ZNF600: variants seen among roughly 807,000 people sequenced by gnomAD.
ZNF600 encodes the protein zinc finger protein 600.
A neutral mutation model predicts 7.3 loss-of-function variants in ZNF600; 4 were observed. That is an observed-to-expected ratio of 0.55 (90% CI 0.27 to 1.25). ZNF600 has a LOEUF of 1.25. ZNF600 is among the 50% of genes most tolerant of loss of function. ZNF600 has a pLI of 0.12. For synonymous variants in ZNF600, 290 were observed against 308.9 expected (o/e 0.94, Z 0.64); for missense variants, 911 against 922.1 (o/e 0.99, Z 0.16).
At chr19:52,768,528 C>G (rs1022909830) in intron 3 of ZNF600, among the ~76,000 whole-genome samples, 1 of 151,650 alleles carries the variant, frequency 6.6e-6, no homozygotes, top group African/African-American at 2.4e-5. Context: ...AGGACAGGCA[C>G]TTAATGACTT....
the ZNF600 span, among the ~76,000 whole-genome samples, chr19:52,818,798 A>T: frequency 2.1e-5 from 3 of 140,660 alleles, 1 homozygote; most frequent in African/African-American, 8.6e-5. Flanking sequence ...CACAAGAATC[A>T]CTTGAACCCA....
At chr19:52,792,756 G>A in the ZNF600 span, among the ~76,000 whole-genome samples, 3 of 151,350 alleles carry the variant, frequency 2.0e-5, no homozygotes, top group Admixed American at 1.3e-4. Context: ...TTTTTGAGAC[G>A]GAGTTTCACT....
chr19:52,766,367 A>AGAC, exon 4 of ZNF600: 4 of 1,614,148 alleles, frequency 2.5e-6, no homozygotes, highest in Non-Finnish European at 3.4e-6. Context: ...CTCCGGTGTG[A>AGAC]ATTATCTTAT....
chr19:52,831,267 C>T, the ZNF600 span, among the ~76,000 whole-genome samples: 1 of 152,100 alleles, frequency 6.6e-6, no homozygotes, highest in East Asian at 1.9e-4. Context: ...AGCGCAGTGG[C>T]TCATGCCTGT....
chr19:52,813,731 C>T, the ZNF600 span, among the ~76,000 whole-genome samples: 7 of 145,944 alleles, frequency 4.8e-5, 1 homozygote, highest in Non-Finnish European at 1.0e-4. Context: ...TTTCTGCAGC[C>T]AGAAGATCTC....
chr19:52,820,812 C>T, the ZNF600 span, among the ~76,000 whole-genome samples: 1 of 151,906 alleles, frequency 6.6e-6, no homozygotes, highest in Admixed American at 6.6e-5. Context: ...TGTCTCTTGG[C>T]AAATCCCTCA....
the ZNF600 span, among the ~76,000 whole-genome samples, chr19:52,807,635 C>T: frequency 1.4e-4 from 21 of 152,142 alleles, no homozygotes; most frequent in Non-Finnish European, 2.6e-4. Flanking sequence ...TCACCATGCC[C>T]GGCTAACTTT....
the ZNF600 span, among the ~76,000 whole-genome samples, chr19:52,833,447 C>G: frequency 6.6e-6 from 1 of 152,052 alleles, no homozygotes; most frequent in African/African-American, 2.4e-5. Context: ...GTGAACCTGT[C>G]AGGCAAAATG....
At chr19:52,797,568 T>C in the ZNF600 span, 1 of 152,308 alleles carries the variant, frequency 6.6e-6, no homozygotes, top group Non-Finnish European at 1.5e-5. Context: ...TACATTAACA[T>C]TAAATAATTT....
the ZNF600 span, among the ~76,000 whole-genome samples, chr19:52,793,777 C>T: frequency 0.031 from 1,939 of 62,370 alleles, 23 homozygotes; most frequent in Middle Eastern, 0.1. Context: ...CACACACACA[C>T]ACACACACAC....
At chr19:52,796,267 C>T in the ZNF600 span, among the ~76,000 whole-genome samples, 1 of 152,132 alleles carries the variant, frequency 6.6e-6, no homozygotes, top group East Asian at 1.9e-4. Context: ...GAGGTCCTGA[C>T]GATGTGTGCC....
chr19:52,807,547 C>A, the ZNF600 span, among the ~76,000 whole-genome samples: 20 of 152,262 alleles, frequency 1.3e-4, no homozygotes, highest in Admixed American at 3.3e-4. Context: ...GTTCTCAGCT[C>A]AATGCAAAAC....
chr19:52,767,410 T>C, exon 4 of ZNF600: 1 of 1,614,202 alleles, frequency 6.2e-7, no homozygotes. Context: ...GGAGCATCAC[T>C]GGTAGACTTC....
chr19:52,783,282 A>G (rs1261526056), intron 1 of ZNF600, among the ~76,000 whole-genome samples: 5 of 152,218 alleles, frequency 3.3e-5, no homozygotes, highest in African/African-American at 1.2e-4. Flanking sequence ...TCACTTCATC[A>G]TCACATCCAA....
chr19:52,778,312 A>G (rs1600391902), intron 2 of ZNF600, among the ~76,000 whole-genome samples: 1 of 149,998 alleles, frequency 6.7e-6, no homozygotes, highest in East Asian at 1.9e-4. Flanking sequence ...CTGAACCAAC[A>G]TCCTGTCTCT....
upstream of ZNF600, chr19:52,786,827 G>C (rs957365119): frequency 2.6e-5 from 8 of 311,812 alleles, no homozygotes; most frequent in East Asian, 9.3e-5. Context: ...GGACCTGGGC[G>C]GGGTAGAGGC....
chr19:52,808,897 C>G, the ZNF600 span, among the ~76,000 whole-genome samples: 1 of 151,752 alleles, frequency 6.6e-6, no homozygotes, highest in Non-Finnish European at 1.5e-5. Flanking sequence ...ATAATAAAAC[C>G]TAGAGACTCA....
chr19:52,829,760 C>G, the ZNF600 span, among the ~76,000 whole-genome samples: 4 of 152,016 alleles, frequency 2.6e-5, no homozygotes, highest in African/African-American at 7.2e-5. Flanking sequence ...GATCTACCCC[C>G]CTCAGCCTCC....
intron 3 of ZNF600, 73 bp from the exon 6 acceptor site, chr19:52,767,845 A>T: frequency 6.8e-7 from 1 of 1,464,874 alleles, no homozygotes; most frequent in South Asian, 1.6e-5. Context: ...TGTAAATATG[A>T]CACAAAAAAC....
Sources: gnomAD v4.1 joint callset for allele counts (sites outside exome capture counted in the v4.1 genomes callset) on GRCh38, gnomAD v4.1.1 for gene constraint, MANE v1.5 for transcripts, NCBI Gene and HGNC (gene_info 2026-07-23, HGNC 2026-07-21) for gene names.